Variants in FGA observed in about 807,000 individuals in gnomAD.
FGA encodes fibrinogen alpha chain.
Under a neutral mutation model 20.3 loss-of-function variants are expected in FGA, and 20 were observed. That is an observed-to-expected ratio of 0.99 (90% CI 0.69 to 1.43). The LOEUF is 1.43. Ranked by LOEUF, FGA falls within the 40% of genes most tolerant of loss-of-function variation. The pLI, the probability that FGA is intolerant of heterozygous loss-of-function variation, is 0.00. For missense variants in FGA, 777 were observed against 784.7 expected (o/e 0.99, Z 0.12); for synonymous variants, 306 against 281.6 (o/e 1.09, Z -0.87).
At chr4:154,584,262 G>C, downstream of FGA, 1 of 1,614,106 alleles carries the variant, frequency 6.2e-7, no homozygotes, top group Non-Finnish European at 8.5e-7. Flanking sequence ...CCCCAGGGTA[G>C]TAGATTCCAT....
At chr4:154,584,192 A>G (rs759676208), downstream of FGA, 10 of 1,611,582 alleles carry the variant, frequency 6.2e-6, no homozygotes, top group African/African-American at 1.4e-5. Flanking sequence ...CCTCTAAAGG[A>G]AACCCAGACC....
chr4:154,584,905 TTAAA>T, downstream of FGA: 1 of 1,137,006 alleles, frequency 8.8e-7, no homozygotes. Context: ...ACGGCTCAGA[TTAAA>T]TAAGGCAAAT....
chr4:154,589,574 C>A lies in FGA; in HGVS notation c.55-12G>T, dbSNP rs781457181. ...CCACTATCTGCAGTCTTTAAAGATT[C>A]ATTCACATACACAAAAGAGAGCAAC... On this transcript the variant is annotated splice_polypyrimidine_tract_variant and intron_variant, in intron 1 of 4. Coordinates refer to ENST00000403106, the MANE Select transcript of FGA (RefSeq NM_021871.4). The A allele has an allele frequency of 1.9e-6, 3 of 1,611,726 alleles. No individual in the cohort carries two copies. Among genetic ancestry groups the A allele is most frequent in the Middle Eastern group, 1.7e-4 (1 of 6,056 alleles).
chr4:154,584,818 A>AG (rs778571941), downstream of FGA: 280 of 1,612,814 alleles, frequency 1.7e-4, no homozygotes, highest in Non-Finnish European at 2.2e-4. Flanking sequence ...ATGTGTTTGG[A>AG]GGACATCATC....
chr4:154,584,653 T>A, downstream of FGA: 2 of 1,614,170 alleles, frequency 1.2e-6, no homozygotes, highest in Non-Finnish European at 1.7e-6. Context: ...TCTCTTGTAG[T>A]CTTGCCAGGT....
At position 154,585,557 on chromosome 4, in the gene FGA, A is replaced by G. The variant is rs770146899; in HGVS notation, c.1872T>C (p.Ala624=). ...GGATACCTCTGACAGGGCGAGATTT[A>G]GCATGGCCTCTCTTGGTGCTATGTG... is the stretch of plus-strand genomic sequence containing the variant. The part of the protein sequence containing the change: ...EGTHSTKRGH[A]KSRPVRGIHT... Residue 624 remains alanine (A), a synonymous_variant, in exon 5 of 5, where the codon GCT becomes GCC. Coordinates refer to ENST00000403106, the MANE Select transcript of FGA (RefSeq NM_021871.4). The G allele has an allele frequency of 1.9e-6, 3 of 1,614,028 alleles. No homozygotes were observed. The highest frequency in any genetic ancestry group is 1.3e-5 in the African/African-American group (1 of 74,936).
In FGA at chr4:154,586,195, T is replaced by C. The variant is rs1250332961; in HGVS notation, c.1234A>G (p.Thr412Ala). ...ACATTTCCTGACACCTCTTCAAATG[T>C]GCCCCAGTCTGGGTTGTTAGGCCTC... ...NARPNNPDWG[T>A]FEEVSGNVSP... The change falls in exon 5 of 5, where the codon ACA (threonine) becomes GCA (alanine). Residue 412 changes from threonine to alanine, a missense_variant. Thr to Ala is a moderately conservative substitution (Grantham distance 58). Coordinates refer to ENST00000403106, the MANE Select transcript of FGA (RefSeq NM_021871.4). 4 of 1,614,166 alleles carry C rather than the reference T, an allele frequency of 2.5e-6. No individual in the cohort carries two copies. The highest frequency in any genetic ancestry group is 2.2e-5 in the South Asian group (2 of 91,074).
chr4:154,586,384 G>C lies in FGA; in HGVS notation c.1045C>G (p.Pro349Ala). 6.2e-7 allele frequency: 1 copy of C among 1,614,128 alleles called. No individual in the cohort carries two copies. The highest frequency in any genetic ancestry group is 8.5e-7 in the Non-Finnish European group (1 of 1,180,020). Residue 349 changes from proline to alanine, a missense_variant, in exon 5 of 5, where the codon CCT becomes GCT. By Grantham distance (27) the Pro-to-Ala change is conservative (BLOSUM62 -1). Coordinates refer to ENST00000403106, the MANE Select transcript of FGA (RefSeq NM_021871.4). ...GTACTACCAGGTCTAGGGCTCCCAG[G>C]GTTTTGGTTTCCAGTACTTCCAGTT... ...SGTGSTGNQNPGSPRPGSTGT... is the reference protein window; with the variant it reads ...SGTGSTGNQNAGSPRPGSTGT...
In FGA at chr4:154,587,645, G is replaced by A. The variant is rs1730761166; in HGVS notation, c.377C>T (p.Thr126Ile). Residue 126 changes from threonine (T) to isoleucine (I), a missense_variant, in exon 4 of 5, where the codon ACC becomes ATC. Transcript: ENST00000403106. ...CAGATCCTCTGACACTCGGTTGTAGGTATTATCACGGTCTGAAATCGAAAA... is the reference window on the plus strand; with the variant it reads ...CAGATCCTCTGACACTCGGTTGTAGATATTATCACGGTCTGAAATCGAAAA... Reference protein sequence around the residue: ...DFSSANNRDNTYNRVSEDLRS... With the variant: ...DFSSANNRDNIYNRVSEDLRS... 6.2e-7 allele frequency: 1 copy of A among 1,613,752 alleles called. No homozygotes were observed. Among genetic ancestry groups the A allele is most frequent in the East Asian group, 2.2e-5 (1 of 44,854 alleles).
In FGA at chr4:154,585,869, G is replaced by A. The variant is rs778304190; in HGVS notation, c.1560C>T (p.Phe520=). Residue 520 remains phenylalanine, a synonymous_variant, in exon 5 of 5, where the codon TTC becomes TTT. Transcript: ENST00000403106. ...RHRHPDEAAF[F]DTASTGKTFP... ...ATGTTTTTCCAGTTGAGGCAGTGTC[G>A]AAGAAGGCAGCTTCATCAGGGTGCC... 1.2e-5 allele frequency: 20 copies of A among 1,613,964 alleles called. No homozygotes were observed. The highest frequency in any genetic ancestry group is 1.2e-4 in the Admixed American group (7 of 59,996).
Position 154,587,426 on chromosome 4 carries a change from A to G in FGA, c.510+86T>C, listed in dbSNP as rs1004087173. On this transcript the variant is annotated intron_variant, in intron 4 of 4. Transcript: ENST00000403106. Reference sequence around the variant, plus strand: ...ATGGATATAACACTTTTCTCTGCATATAGTAGACACTCAGTGCATAACTAT... The same window carrying G: ...ATGGATATAACACTTTTCTCTGCATGTAGTAGACACTCAGTGCATAACTAT... 2.5e-6 allele frequency: 3 copies of G among 1,206,752 alleles called. No homozygotes were observed. The Admixed American group carries it at 5.1e-5, about 20-fold the overall frequency. The allele number at this position is 1,206,752 out of a possible 1,614,324, so 74.8% of individuals were successfully genotyped here.
chr4:154,585,386 T>C lies in FGA; in HGVS notation c.*108A>G, dbSNP rs1307368439. 19 of 1,086,972 alleles carry C rather than the reference T, an allele frequency of 1.7e-5. No homozygotes were observed. Among genetic ancestry groups the C allele is most frequent in the Non-Finnish European group, 2.4e-5 (18 of 751,160 alleles). The allele number at this position is 1,086,972 out of a possible 1,614,324, so 67.3% of individuals were successfully genotyped here. On this transcript the variant is annotated 3_prime_UTR_variant, in exon 5 of 5. Coordinates refer to ENST00000403106, the MANE Select transcript of FGA (RefSeq NM_021871.4). ...CCCTGCCCCCAAGGAACTTACAGTC[T>C]AGCACAAAAACAGACCAAAAAAGTG...
At chr4:154,589,022 T>C in intron 2 of FGA, 46 bp from the exon 3 acceptor site, 2 of 1,499,180 alleles carry the variant, frequency 1.3e-6, no homozygotes, top group African/African-American at 1.4e-5. Flanking sequence ...ATCTCTCAGA[T>C]TCAGAATAAT....
In FGA at chr4:154,585,462, T is replaced by C. The variant is rs1363255295; in HGVS notation, c.*32A>G. On this transcript the variant is annotated 3_prime_UTR_variant, in exon 5 of 5. Coordinates refer to ENST00000403106, the MANE Select transcript of FGA (RefSeq NM_021871.4). ...GTTAAGAAGGAAATGCAAGGGGCCA[T>C]GGGAACACTGTGCAGAAATATTTAA... is the stretch of plus-strand genomic sequence containing the variant. 1.4e-6 allele frequency: 2 copies of C among 1,417,974 alleles called. No individual in the cohort carries two copies. Among genetic ancestry groups the C allele is most frequent in the African/African-American group, 1.4e-5 (1 of 70,820 alleles). 87.8% of individuals were successfully genotyped at this position (1,417,974 alleles called of 1,614,324 possible). A position where few individuals can be genotyped will look rare whatever the true frequency, so the allele number is the denominator to read the frequency against.
rs746110605 is a variant in FGA, at chr4:154,585,772, T to C, written c.1657A>G (p.Ile553Val). The change falls in exon 5 of 5, where the codon ATC becomes GTC. Residue 553 changes from isoleucine (I) to valine (V), a missense_variant. Physicochemically the swap from Ile to Val is conservative, Grantham distance 29. Coordinates refer to ENST00000403106, the MANE Select transcript of FGA (RefSeq NM_021871.4). ...ETESRGSESG[I>V]FTNTKESSSH... The stretch of plus-strand genomic sequence containing the variant: ...CTGGATTCCTTTGTATTTGTGAAGA[T>C]GCCAGATTCTGAGCCCCTAGACTCA... The C allele has an allele frequency of 3.7e-6, 6 of 1,614,088 alleles. No individual in the cohort carries two copies. Among genetic ancestry groups the C allele is most frequent in the Non-Finnish European group, 5.1e-6 (6 of 1,180,036 alleles).
intron 3 of FGA, 131 bp from the exon 4 acceptor site, chr4:154,587,788 A>G (rs1730772204): frequency 1.4e-6 from 1 of 734,552 alleles, no homozygotes; most frequent in Non-Finnish European, 2.3e-6. Context: ...AGAAAGAAAG[A>G]AAGAAAGAAA....
rs1440058637 is a variant in FGA at position 154,585,356 on chromosome 4, A to T, written c.*138T>A. The T allele has an allele frequency of 1.9e-6, 2 of 1,072,892 alleles. No homozygotes were observed. Among genetic ancestry groups the T allele is most frequent in the Admixed American group, 5.5e-5 (2 of 36,072 alleles). The allele number at this position is 1,072,892 out of a possible 1,614,324, so 66.5% of individuals were successfully genotyped here. On this transcript the variant is annotated 3_prime_UTR_variant, in exon 5 of 5. Coordinates refer to ENST00000403106, the MANE Select transcript of FGA (RefSeq NM_021871.4). ...TTGGGAATACAGAGATGAGACAGAC[A>T]AAGGCCCTGCCCCCAAGGAACTTAC...
At chr4:154,590,563 T>C in intron 1 of FGA, 71 bp downstream of exon 1, 1 of 1,296,256 alleles carries the variant, frequency 7.7e-7, no homozygotes, top group African/African-American at 1.5e-5. Context: ...GCAGGTAGAC[T>C]CTGACCTCCA....
downstream of FGA, chr4:154,583,218 C>A (rs980993070): frequency 1.3e-5 from 2 of 151,938 alleles, no homozygotes; most frequent in South Asian, 4.2e-4. Context: ...GGCAAGACCA[C>A]CAGGATTAAA....
Sources: gnomAD v4.1 joint callset for allele counts on GRCh38, gnomAD v4.1.1 for gene constraint, MANE v1.5 for transcripts, NCBI Gene and HGNC (gene_info 2026-07-23, HGNC 2026-07-21) for gene names.